The following HIVEP3 variants were observed in gnomAD, a reference collection of about 807,000 sequenced individuals.
The protein encoded by HIVEP3 is transcription factor HIVEP3.
In HIVEP3, 49 loss-of-function variants were observed where a neutral mutation model predicts 152.8. The ratio of observed to expected loss-of-function variants is 0.32; its 90% confidence interval spans 0.26 to 0.41. The LOEUF (loss-of-function observed/expected upper bound fraction) is 0.41. HIVEP3 is among the 10% of genes least tolerant of loss of function. The pLI is 1.00. For synonymous variants in HIVEP3, 1,269 were observed against 1,289.0 expected (o/e 0.98, Z 0.33); for missense variants, 2,790 against 3,103.3 (o/e 0.90, Z 2.40).
chr1:41,997,238 G>C (rs1295887356), intron 1 of HIVEP3, among the ~76,000 whole-genome samples: 1 of 152,204 alleles, frequency 6.6e-6, no homozygotes, highest in Non-Finnish European at 1.5e-5. Context: ...TCTAGAGTAG[G>C]GGTCATAGAC....
chr1:41,554,942 C>A (rs999831159), intron 5 of HIVEP3, among the ~76,000 whole-genome samples: 2 of 152,184 alleles, frequency 1.3e-5, no homozygotes, highest in African/African-American at 4.8e-5. Flanking sequence ...TTAGGCTACA[C>A]GGGGGTCAAG....
chr1:41,582,334 C>T lies in HIVEP3; in HGVS notation c.2464G>A (p.Asp822Asn). ...GATGGGAACTGGGCCAGAGGTTTGT[C>T]TTCCCCTTCCAAGCCACTCGGCTGC... is the stretch of plus-strand genomic sequence containing the variant. ...LEQPSGLEGEDKPLAQFPSPP... is the reference protein window; with the variant it reads ...LEQPSGLEGENKPLAQFPSPP... Residue 822 changes from aspartate (D) to asparagine (N), a missense_variant, in exon 4 of 9, where the codon GAC becomes AAC. By Grantham distance (23) the Asp-to-Asn change is conservative. Around this residue, in one of 9 missense-constraint regions of HIVEP3, gnomAD observed 1,078 missense variants for 1,165.3 expected, o/e 0.93. Coordinates refer to ENST00000372583, the MANE Select transcript of HIVEP3 (RefSeq NM_024503.5). This position sits in a 1 kb window ranked among gnomAD's most constrained non-coding sequence, Gnocchi z 4.7. 1.9e-6 allele frequency: 3 copies of T among 1,614,126 alleles called. No individual in the cohort carries two copies. Among genetic ancestry groups the T allele is most frequent in the Non-Finnish European group, 2.5e-6 (3 of 1,179,984 alleles).
At chr1:42,035,892 C>T (rs1645641521) in exon 1 of HIVEP3, 1 of 149,850 alleles carries the variant, frequency 6.7e-6, no homozygotes. Flanking sequence ...CCACCCGGGC[C>T]ACGGCATGCG....
chr1:41,897,938 G>GGAGAGAGAGAGAGAGAGA (rs71065103), intron 1 of HIVEP3, among the ~76,000 whole-genome samples: 8 of 130,086 alleles, frequency 6.1e-5, no homozygotes, highest in African/African-American at 2.4e-4. Context: ...TGAGAGAGAG[G>GGAGAGAGAGAGAGAGAGA]GAGAGAGAGA....
chr1:42,033,098 G>A (rs1288327825), intron 1 of HIVEP3, among the ~76,000 whole-genome samples: 7 of 152,118 alleles, frequency 4.6e-5, no homozygotes, highest in African/African-American at 1.7e-4. Context: ...ATGGTGGAGG[G>A]AGATGGGAGG....
At chr1:41,700,085 T>C (rs556471573) in intron 2 of HIVEP3, among the ~76,000 whole-genome samples, 95 of 152,292 alleles carry the variant, frequency 6.2e-4, no homozygotes, top group African/African-American at 2.2e-3. Flanking sequence ...CTTTAAATTG[T>C]CTTCCTTGAA....
intron 1 of HIVEP3, among the ~76,000 whole-genome samples, chr1:42,015,943 A>T (rs1038813562): frequency 2.6e-5 from 4 of 152,246 alleles, no homozygotes; most frequent in African/African-American, 9.6e-5. Context: ...TTGCATCAAA[A>T]GTCTTTAGGA....
chr1:41,698,877 G>T (rs753019388), intron 2 of HIVEP3, among the ~76,000 whole-genome samples: 12 of 152,252 alleles, frequency 7.9e-5, no homozygotes, highest in Middle Eastern at 3.4e-3. Flanking sequence ...CTGTTCCTTT[G>T]TCTATGTGTC....
intron 1 of HIVEP3, among the ~76,000 whole-genome samples, chr1:41,827,259 A>T (rs988912552): frequency 2.0e-5 from 3 of 152,230 alleles, no homozygotes; most frequent in African/African-American, 7.2e-5. Context: ...AGTCACCAAC[A>T]GTACCTTATT....
intron 7 of HIVEP3, among the ~76,000 whole-genome samples, chr1:41,515,290 C>A (rs988792729): frequency 3.9e-5 from 6 of 152,218 alleles, no homozygotes; most frequent in Non-Finnish European, 8.8e-5. Flanking sequence ...ATGCAGCAGT[C>A]AGATGTCCAA....
At chr1:41,773,922 G>A (rs962042783) in intron 1 of HIVEP3, among the ~76,000 whole-genome samples, 1 of 152,222 alleles carries the variant, frequency 6.6e-6, no homozygotes, top group South Asian at 2.1e-4. Flanking sequence ...TTGTGAATGA[G>A]ATTTGTCAAT....
intron 3 of HIVEP3, among the ~76,000 whole-genome samples, chr1:41,588,095 C>T (rs1570025692): frequency 6.6e-6 from 1 of 152,146 alleles, no homozygotes; most frequent in South Asian, 2.1e-4. Flanking sequence ...TAAGCTAAGG[C>T]GGGCAGAAGT....
intron 3 of HIVEP3, among the ~76,000 whole-genome samples, chr1:41,586,455 C>T (rs1284083169): frequency 6.6e-6 from 1 of 152,150 alleles, no homozygotes; most frequent in East Asian, 1.9e-4. Flanking sequence ...GTTTGTTCCC[C>T]AGCCCCTTCT....
At position 41,561,260 on chromosome 1, in the gene HIVEP3, C is replaced by G. The variant is rs12565387; in HGVS notation, c.5207+14284G>C. Among the ~76,000 whole-genome samples the G allele has an allele frequency of 4.1e-3, 623 of 152,318 alleles. 2 individuals are homozygous for G. Among genetic ancestry groups the G allele is most frequent in the East Asian group, 0.026 (135 of 5,188 alleles). ...AGCTGGGACTCAAACCCCAGTCCTC[C>G]AGACTCTACAGCCCAAGCCTCATTC... On this transcript the variant is annotated intron_variant, in intron 5 of 8. Transcript: ENST00000372583.
chr1:41,581,443 C>T lies in HIVEP3; in HGVS notation c.3355G>A (p.Glu1119Lys), dbSNP rs1381432863. Residue 1119 changes from glutamate to lysine, a missense_variant, in exon 4 of 9, where the codon GAA becomes AAA. Physicochemically the swap from Glu to Lys is moderately conservative, Grantham distance 56. This residue lies in a region of HIVEP3 where 1,078 missense variants were observed against 1,165.3 expected (regional missense o/e 0.93). Transcript: ENST00000372583. The surrounding 1 kb of genome is among the most constrained non-coding windows in gnomAD (Gnocchi z 4.5). ...PPLGPTVPYTEALQVFHHPVA... is the reference protein window; with the variant it reads ...PPLGPTVPYTKALQVFHHPVA... ...GGGTGGTGGAACACTTGCAGTGCTT[C>T]TGTGTAGGGCACAGTGGGCCCCAAT... The T allele has an allele frequency of 6.3e-7, 1 of 1,586,128 alleles. No individual in the cohort carries two copies. The highest frequency in any genetic ancestry group is 8.6e-7 in the Non-Finnish European group (1 of 1,166,734).
At chr1:41,557,731 G>T (rs1479646620) in intron 5 of HIVEP3, among the ~76,000 whole-genome samples, 1 of 152,192 alleles carries the variant, frequency 6.6e-6, no homozygotes, top group South Asian at 2.1e-4. Context: ...CTATTACAGA[G>T]GGTGTGCCGG....
At chr1:41,881,889 G>A (rs907764045) in intron 1 of HIVEP3, among the ~76,000 whole-genome samples, 3 of 152,188 alleles carry the variant, frequency 2.0e-5, no homozygotes, top group East Asian at 1.9e-4. Flanking sequence ...GCTGCCTGTG[G>A]TATGTCCAGA....
chr1:41,635,600 ATG>A lies in HIVEP3; in HGVS notation c.-720-6655_-720-6654del. ...TATATATACATACATATACATACGT[ATG>A]TATATATACATACATATACATACGT... On this transcript the variant is annotated intron_variant, in intron 2 of 8. Transcript: ENST00000372583. Among the ~76,000 whole-genome samples, 2 of 23,220 alleles carry A rather than the reference ATG, an allele frequency of 8.6e-5. 1 individual carries two copies. The highest frequency in any genetic ancestry group is 9.4e-4 in the African/African-American group (2 of 2,138). 15.2% of individuals were successfully genotyped at this position (23,220 alleles called of 152,430 possible). A position where few individuals can be genotyped will look rare whatever the true frequency, so the allele number is the denominator to read the frequency against.
intron 5 of HIVEP3, among the ~76,000 whole-genome samples, chr1:41,544,759 TCACCACCA>T (rs1473586328): frequency 6.2e-4 from 43 of 68,996 alleles, no homozygotes; most frequent in Admixed American, 8.7e-4. Context: ...ACCACCACCA[TCACCACCA>T]CTACCACTAC....
Sources: allele counts gnomAD v4.1 joint callset (sites outside exome capture counted in the v4.1 genomes callset), GRCh38; gene constraint gnomAD v4.1.1; regional missense constraint gnomAD v4.1.1; non-coding constraint Gnocchi (gnomAD v3.1); transcripts MANE v1.5; gene names NCBI Gene and HGNC (gene_info 2026-07-23, HGNC 2026-07-21).